FLNC: variants seen among roughly 807,000 people sequenced by gnomAD.
The protein encoded by FLNC is filamin C.
Under a neutral mutation model 254.3 loss-of-function variants are expected in FLNC, and 91 were observed. That is an observed-to-expected ratio of 0.36 (90% CI 0.30 to 0.43). The LOEUF is 0.43. Ranked by LOEUF, FLNC falls within the 20% of genes least tolerant of loss-of-function variation. FLNC has a pLI of 1.00. For synonymous variants in FLNC, 1,430 were observed against 1,577.2 expected, an observed-to-expected ratio of 0.91 and a Z score of 2.21; for missense variants, 2,853 against 3,802.6, an observed-to-expected ratio of 0.75 and a Z score of 6.57.
In FLNC at chr7:128,841,254, C is replaced by T. The variant is rs1187790496; in HGVS notation, c.1898C>T (p.Thr633Met). 11 of 1,613,942 alleles carry T rather than the reference C, an allele frequency of 6.8e-6. No homozygotes were observed. The highest frequency in any genetic ancestry group is 1.6e-4 in the Middle Eastern group (1 of 6,082). The change falls in exon 12 of 48, where the codon ACG (threonine) becomes ATG (methionine). Residue 633 changes from threonine to methionine, a missense_variant. Physicochemically the swap from Thr to Met is moderately conservative, Grantham distance 81. Around this residue, in one of 10 missense-constraint regions of FLNC, gnomAD observed 1,573 missense variants for 1,883.5 expected, o/e 0.84. Transcript: ENST00000325888. This position sits in a 1 kb window ranked among gnomAD's most constrained non-coding sequence, Gnocchi z 4.3. ...DGSCDVRYWP[T>M]EPGEYAVHVI... ...TCCTGCGATGTGCGGTACTGGCCCA[C>T]GGAGCCTGGGGAGTACGCTGTGCAC...
chr7:128,841,481 C>T lies in FLNC; in HGVS notation c.2035C>T (p.Pro679Ser), dbSNP rs1808331792. Residue 679 changes from proline (P) to serine (S), a missense_variant, in exon 13 of 48, where the codon CCT becomes TCT. Pro to Ser is a moderately conservative substitution (Grantham distance 74). This residue lies in a region of FLNC where 1,573 missense variants were observed against 1,883.5 expected (regional missense o/e 0.84). Transcript: ENST00000325888. This position sits in a 1 kb window ranked among gnomAD's most constrained non-coding sequence, Gnocchi z 4.3. ...GAAGGCCTTTGGGCCTGGCCTGGAG[C>T]CTACCGGCTGCATCGTGGACAAGCC... is the stretch of plus-strand genomic sequence containing the variant. ...KVKAFGPGLE[P>S]TGCIVDKPAE... 6.2e-7 allele frequency: 1 copy of T among 1,614,146 alleles called. No individual in the cohort carries two copies. Among genetic ancestry groups the T allele is most frequent in the African/African-American group, 1.3e-5 (1 of 75,064 alleles).
chr7:128,854,814 G>A lies in FLNC; in HGVS notation c.7037G>A (p.Gly2346Asp). 6.2e-7 allele frequency: 1 copy of A among 1,614,166 alleles called. No homozygotes were observed. Among genetic ancestry groups the A allele is most frequent in the Non-Finnish European group, 8.5e-7 (1 of 1,180,030 alleles). ...TGGACCCGGGAGGCTGGCGCTGGGG[G>A]CCTGTCCATTGCTGTGGAGGGTCCT... ...SIWTREAGAG[G>D]LSIAVEGPSK... The change falls in exon 42 of 48, where the codon GGC becomes GAC. Residue 2346 changes from glycine to aspartate, a missense_variant. By Grantham distance (94) the Gly-to-Asp change is moderately conservative. Coordinates refer to ENST00000325888, the MANE Select transcript of FLNC (RefSeq NM_001458.5).
At position 128,848,655 on chromosome 7, in the gene FLNC, C is replaced by A; in HGVS notation, c.4675C>A (p.Pro1559Thr). 1 of 1,613,592 alleles carries A rather than the reference C, an allele frequency of 6.2e-7. No individual in the cohort carries two copies. The change falls in exon 27 of 48, where the codon CCT becomes ACT. Residue 1559 changes from proline to threonine, a missense_variant. Physicochemically the swap from Pro to Thr is conservative, Grantham distance 38. This residue lies in a region of FLNC where 1,573 missense variants were observed against 1,883.5 expected (regional missense o/e 0.84). Transcript: ENST00000325888. ...LNASGIPASL[P>T]VEFTIDARDA... ...CGCCTCTGGCATCCCTGCCAGCCTG[C>A]CTGTGGAGTTCACCATCGACGCACG...
rs1808275734 is a variant in FLNC, at chr7:128,840,285, C to T, written c.1549+125C>T. The T allele has an allele frequency of 5.0e-6, 6 of 1,210,270 alleles. No individual in the cohort carries two copies. The South Asian group carries it at 7.8e-5, about 16-fold the overall frequency. The allele number at this position is 1,210,270 out of a possible 1,614,324, so 75.0% of individuals were successfully genotyped here. ...CACAGCTCCACAGTGACCAGAGGCA[C>T]CCCAGAATCTCAGGCTCATTGTCTC... On this transcript the variant is annotated intron_variant, in intron 9 of 47. Transcript: ENST00000325888.
intron 19 of FLNC, 33 bp downstream of exon 19, chr7:128,843,946 G>GGGTATT (rs774547178): frequency 2.1e-5 from 34 of 1,613,928 alleles, no homozygotes; most frequent in Non-Finnish European, 2.9e-5. Context: ...TGGGAGTGAG[G>GGGTATT]GGTATTCGGG....
In FLNC at chr7:128,841,455, T is replaced by TGAA; in HGVS notation, c.2011_2013dup (p.Lys671dup). ...CTCAGCCTTCTTCCCTCCGCACAGGTGAAGGCCTTTGGGCCTGGCCTGGAG... is the reference window on the plus strand; with the variant it reads ...CTCAGCCTTCTTCCCTCCGCACAGGTGAAGAAGGCCTTTGGGCCTGGCCTGGAG... On this transcript the variant is annotated inframe_insertion and splice_region_variant, in exon 13 of 48. Transcript: ENST00000325888. This position sits in a 1 kb window ranked among gnomAD's most constrained non-coding sequence, Gnocchi z 4.3. 6.2e-7 allele frequency: 1 copy of TGAA among 1,613,788 alleles called. No homozygotes were observed. Among genetic ancestry groups the TGAA allele is most frequent in the South Asian group, 1.1e-5 (1 of 91,082 alleles).
In FLNC at chr7:128,854,140, C is replaced by T. The variant is rs773262660; in HGVS notation, c.6651C>T (p.Pro2217=). The change falls in exon 40 of 48, where the codon CCC becomes CCT. Residue 2217 remains proline, a synonymous_variant. Coordinates refer to ENST00000325888, the MANE Select transcript of FLNC (RefSeq NM_001458.5). Reference sequence around the variant, plus strand: ...AGTCCACCCAGGTCGGCGGGGACCCCTTCCCTGCTGTGTTTGGGGACTTCC... The same window carrying T: ...AGTCCACCCAGGTCGGCGGGGACCCTTTCCCTGCTGTGTTTGGGGACTTCC... ...VEESTQVGGD[P]FPAVFGDFLG... 2 of 1,612,610 alleles carry T rather than the reference C, an allele frequency of 1.2e-6. No individual in the cohort carries two copies. The highest frequency in any genetic ancestry group is 2.2e-5 in the South Asian group (2 of 91,050).
In FLNC at chr7:128,853,451, T is replaced by C. The variant is rs1808910059; in HGVS notation, c.6209-18T>C. 5 of 1,613,678 alleles carry C rather than the reference T, an allele frequency of 3.1e-6. No individual in the cohort carries two copies. Among genetic ancestry groups the C allele is most frequent in the Non-Finnish European group, 4.2e-6 (5 of 1,179,960 alleles). On this transcript the variant is annotated intron_variant, in intron 37 of 47. Transcript: ENST00000325888. ...CCAGCCTAGGACTGAGGGAGATGTG[T>C]TCCTTGCTTTCCCCCAGGTTATGGG...
chr7:128,841,630 C>T lies in FLNC; in HGVS notation c.2121+63C>T. 1 of 1,318,570 alleles carries T rather than the reference C, an allele frequency of 7.6e-7. No individual in the cohort carries two copies. The highest frequency in any genetic ancestry group is 1.2e-5 in the South Asian group (1 of 85,040). 81.7% of individuals were successfully genotyped at this position (1,318,570 alleles called of 1,614,324 possible). A position where few individuals can be genotyped will look rare whatever the true frequency, so the allele number is the denominator to read the frequency against. On this transcript the variant is annotated intron_variant, in intron 13 of 47. Coordinates refer to ENST00000325888, the MANE Select transcript of FLNC (RefSeq NM_001458.5). This position sits in a 1 kb window ranked among gnomAD's most constrained non-coding sequence, Gnocchi z 4.3. ...ATGGCAGGGACCCTGGAAGGCAGGG[C>T]CAGGCCAGAGGCAGAGGCCTCCCAG...
intron 27 of FLNC, 36 bp from the exon 28 acceptor site, chr7:128,848,757 G>A: frequency 6.2e-7 from 1 of 1,614,132 alleles, no homozygotes; most frequent in Non-Finnish European, 8.5e-7. Flanking sequence ...TCATGCTCCA[G>A]GCACAGGCGG....
chr7:128,848,177 C>T, intron 26 of FLNC, 109 bp downstream of exon 26: 1 of 1,364,366 alleles, frequency 7.3e-7, no homozygotes, highest in South Asian at 1.3e-5. Context: ...TCTCCCAGCT[C>T]TCAGCCTCGT....
chr7:128,842,271 A>G lies in FLNC; in HGVS notation c.2162A>G (p.Asn721Ser). The change falls in exon 14 of 48, where the codon AAC (asparagine) becomes AGC (serine). Residue 721 changes from asparagine (N) to serine (S), a missense_variant. By Grantham distance (46) the Asn-to-Ser change is conservative. Around this residue, in one of 10 missense-constraint regions of FLNC, gnomAD observed 1,573 missense variants for 1,883.5 expected, o/e 0.84. Transcript: ENST00000325888. This position sits in a 1 kb window ranked among gnomAD's most constrained non-coding sequence, Gnocchi z 5.4. ...CCCATCGACATCAAGGTGATCCCCAACGGCGACGGCACCTTCCGCTGCTCC... is the reference window on the plus strand; with the variant it reads ...CCCATCGACATCAAGGTGATCCCCAGCGGCGACGGCACCTTCCGCTGCTCC... ...GCPIDIKVIP[N>S]GDGTFRCSYV... is the part of the protein sequence containing the mutation. 1.9e-6 allele frequency: 3 copies of G among 1,613,790 alleles called. No individual in the cohort carries two copies. The highest frequency in any genetic ancestry group is 1.1e-5 in the South Asian group (1 of 91,086).
Position 128,844,666 on chromosome 7 carries a change from T to C in FLNC, c.3201T>C (p.Ala1067=), listed in dbSNP as rs760214102. 2 of 1,612,174 alleles carry C rather than the reference T, an allele frequency of 1.2e-6. No individual in the cohort carries two copies. The highest frequency in any genetic ancestry group is 4.5e-5 in the East Asian group (2 of 44,882). The part of the protein sequence containing the change: ...VLPPDPSKVC[A]YGPGLKGGLV... ...CCTGCCTCTTCCCCTAGGTCTGTGC[T>C]TATGGCCCGGGTCTCAAGGGTGGAC... The change falls in exon 21 of 48, where the codon GCT becomes GCC. Residue 1067 remains alanine (A), a synonymous_variant. Transcript: ENST00000325888.
At chr7:128,851,425 C>T (rs1401537455) in intron 34 of FLNC, 30 bp from the exon 35 acceptor site, 1 of 1,613,810 alleles carries the variant, frequency 6.2e-7, no homozygotes, top group East Asian at 2.2e-5. Flanking sequence ...AGGGCAGGAC[C>T]TCTGATCTTG....
At chr7:128,851,206 AG>A (rs763949453) in intron 33 of FLNC, 25 bp from the exon 34 acceptor site, 1 of 1,613,822 alleles carries the variant, frequency 6.2e-7, no homozygotes, top group South Asian at 1.1e-5. Flanking sequence ...ATGCTGACCC[AG>A]CCCCCTTTTT....
In FLNC at chr7:128,857,305, C is replaced by T. The variant is rs781217114; in HGVS notation, c.7749C>T (p.Ile2583=). 8.7e-6 allele frequency: 14 copies of T among 1,613,462 alleles called. No individual in the cohort carries two copies. Among genetic ancestry groups the T allele is most frequent in the South Asian group, 6.6e-5 (6 of 91,062 alleles). Residue 2583 remains isoleucine (I), a synonymous_variant, in exon 46 of 48, where the codon ATC becomes ATT. Coordinates refer to ENST00000325888, the MANE Select transcript of FLNC (RefSeq NM_001458.5). The surrounding 1 kb of genome is among the most constrained non-coding windows in gnomAD (Gnocchi z 4.5). ...IAIKYGGPQH[I]VGSPFKAKVT... is the part of the protein sequence containing the mutation. ...TCAAGTACGGTGGCCCCCAGCACATCGTGGGCAGCCCCTTCAAGGCCAAGG... is the reference window on the plus strand; with the variant it reads ...TCAAGTACGGTGGCCCCCAGCACATTGTGGGCAGCCCCTTCAAGGCCAAGG...
Position 128,850,491 on chromosome 7 carries a change from C to T in FLNC, c.5398+8C>T. On this transcript the variant is annotated splice_region_variant and intron_variant, in intron 32 of 47. Transcript: ENST00000325888. ...AGAAAGGGGAGCTCACAGGTACTGC[C>T]CTGTGGCTCCCAGGCATGAGGGCTG... 1 of 1,606,804 alleles carries T rather than the reference C, an allele frequency of 6.2e-7. No homozygotes were observed.
Position 128,852,862 on chromosome 7 carries a change from C to T in FLNC, c.6039C>T (p.His2013=), listed in dbSNP as rs776613969. The T allele has an allele frequency of 5.0e-6, 8 of 1,613,868 alleles. No individual in the cohort carries two copies. The highest frequency in any genetic ancestry group is 3.3e-5 in the South Asian group (3 of 91,080). The change falls in exon 37 of 48, where the codon CAC becomes CAT. Residue 2013 remains histidine (H), a synonymous_variant. Transcript: ENST00000325888. ...ISFTPKEVGE[H]VVSVRKSGKH... Reference sequence around the variant, plus strand: ...TCACCCCCAAGGAGGTCGGGGAGCACGTGGTGAGCGTGCGCAAGAGTGGCA... The same window carrying T: ...TCACCCCCAAGGAGGTCGGGGAGCATGTGGTGAGCGTGCGCAAGAGTGGCA...
rs766740877 is a variant in FLNC, at chr7:128,854,550, G to A, written c.6865G>A (p.Ala2289Thr). The A allele has an allele frequency of 4.6e-5, 74 of 1,607,688 alleles. No individual in the cohort carries two copies. Among genetic ancestry groups the A allele is most frequent in the Admixed American group, 1.0e-4 (6 of 58,808 alleles). Residue 2289 changes from alanine (A) to threonine (T), a missense_variant, in exon 41 of 48, where the codon GCT becomes ACT. By Grantham distance (58) the Ala-to-Thr change is moderately conservative. Transcript: ENST00000325888. ...VPQEMGPHTV[A>T]VKYRGQHVPG... ...CCAGGAAATGGGGCCCCATACGGTC[G>A]CTGTCAAGTACCGTGGCCAGCACGT...
Sources: gnomAD v4.1 joint callset for allele counts on GRCh38, gnomAD v4.1.1 for gene constraint, gnomAD v4.1.1 regional missense constraint, Gnocchi (gnomAD v3.1) non-coding constraint, MANE v1.5 for transcripts, NCBI Gene and HGNC (gene_info 2026-07-23, HGNC 2026-07-21) for gene names.